Variants in TRIQK observed in about 807,000 individuals in gnomAD.
TRIQK encodes the protein triple QxxK/R motif-containing protein.
A neutral mutation model predicts 10.8 loss-of-function variants in TRIQK; 10 were observed. The observed-to-expected ratio is 0.92, with a 90% CI of 0.57 to 1.57. The LOEUF (loss-of-function observed/expected upper bound fraction) is 1.57. Among genes scored for constraint, TRIQK ranks in the 40% most tolerant of loss-of-function variants. The pLI, the probability that TRIQK is intolerant of heterozygous loss-of-function variation, is 0.00. For missense variants in TRIQK, 107 were observed against 97.7 expected, an observed-to-expected ratio of 1.09 and a Z score of -0.40; for synonymous variants, 33 against 33.7, an observed-to-expected ratio of 0.98 and a Z score of 0.07.
At chr8:92,912,139 T>C (rs147235916) in intron 3 of TRIQK, among the ~76,000 whole-genome samples, 54 of 151,740 alleles carry the variant, frequency 3.6e-4, no homozygotes, top group African/African-American at 1.1e-3. Context: ...TTCTCAAGTG[T>C]ACACTAACAT....
intron 3 of TRIQK, among the ~76,000 whole-genome samples, chr8:92,913,680 T>A (rs1809683294): frequency 6.6e-6 from 1 of 152,214 alleles, no homozygotes; most frequent in South Asian, 2.1e-4. Flanking sequence ...TTATGTTTAC[T>A]GAAGCACTAT....
intron 2 of TRIQK, among the ~76,000 whole-genome samples, chr8:92,924,822 G>A (rs1235685878): frequency 1.3e-5 from 2 of 151,896 alleles, no homozygotes. Context: ...ATTGAGACAA[G>A]TTATTACACT....
At chr8:92,950,420 A>AC (rs1471742082) in intron 2 of TRIQK, among the ~76,000 whole-genome samples, 10 of 152,314 alleles carry the variant, frequency 6.6e-5, no homozygotes, top group African/African-American at 2.4e-4. Flanking sequence ...AAAGCTGGCA[A>AC]CTTAATCTCT....
intron 1 of TRIQK, among the ~76,000 whole-genome samples, chr8:92,959,288 ATCAGGT>A (rs1416623304): frequency 1.3e-5 from 2 of 152,070 alleles, no homozygotes; most frequent in Admixed American, 1.3e-4. Context: ...CTCTTGGATT[ATCAGGT>A]TTCCTCTCTG....
intron 1 of TRIQK, chr8:92,964,800 G>T (rs577382660): frequency 6.6e-6 from 1 of 151,950 alleles, no homozygotes; most frequent in East Asian, 1.9e-4. Context: ...AGGAAGGAAG[G>T]GCATATCCTA....
chr8:93,015,935 C>T (rs1418832003), intron 1 of TRIQK, among the ~76,000 whole-genome samples: 4 of 139,628 alleles, frequency 2.9e-5, no homozygotes, highest in Admixed American at 6.9e-5. Flanking sequence ...AATAAAAACA[C>T]CTTTTTTTAA....
At chr8:92,938,965 G>T (rs1811137806) in intron 2 of TRIQK, among the ~76,000 whole-genome samples, 1 of 151,890 alleles carries the variant, frequency 6.6e-6, no homozygotes, top group Non-Finnish European at 1.5e-5. Context: ...ATCATTTATA[G>T]ATCTATTTCT....
At chr8:92,949,777 A>G (rs1811762815) in intron 2 of TRIQK, among the ~76,000 whole-genome samples, 1 of 101,732 alleles carries the variant, frequency 9.8e-6, no homozygotes, top group African/African-American at 4.4e-5. Flanking sequence ...AGAAGGAAAG[A>G]AAGAAAAAGA....
At chr8:92,939,132 A>G (rs970675451) in intron 2 of TRIQK, among the ~76,000 whole-genome samples, 2 of 152,138 alleles carry the variant, frequency 1.3e-5, no homozygotes, top group East Asian at 1.9e-4. Context: ...TTGAGAGGAG[A>G]AAGAGAGTTA....
At chr8:92,988,763 C>T (rs924371305) in intron 1 of TRIQK, among the ~76,000 whole-genome samples, 1 of 152,104 alleles carries the variant, frequency 6.6e-6, no homozygotes, top group Non-Finnish European at 1.5e-5. Flanking sequence ...TAACAATTAG[C>T]AAATTTTGTT....
At chr8:92,969,923 T>C (rs149568176), upstream of TRIQK, among the ~76,000 whole-genome samples, 138 of 152,274 alleles carry the variant, frequency 9.1e-4, no homozygotes, top group African/African-American at 3.2e-3. Context: ...CATTAGTTAT[T>C]TATCCTGATG....
At chr8:92,903,285 T>G (rs1047832200) in intron 3 of TRIQK, among the ~76,000 whole-genome samples, 1 of 152,146 alleles carries the variant, frequency 6.6e-6, no homozygotes, top group Non-Finnish European at 1.5e-5. Context: ...TGTGCTCATT[T>G]AAGAGCAGCT....
intron 3 of TRIQK, among the ~76,000 whole-genome samples, chr8:92,915,374 AG>A (rs1374727277): frequency 6.6e-6 from 1 of 152,188 alleles, no homozygotes; most frequent in Non-Finnish European, 1.5e-5. Context: ...CACACAGAAA[AG>A]GTACTATGTG....
At chr8:92,936,373 T>C (rs1226227169) in intron 2 of TRIQK, among the ~76,000 whole-genome samples, 1 of 151,616 alleles carries the variant, frequency 6.6e-6, no homozygotes, top group East Asian at 1.9e-4. Context: ...AGGAAAATAC[T>C]GACAGACCTC....
intron 1 of TRIQK, among the ~76,000 whole-genome samples, chr8:92,964,561 T>G (rs572710740): frequency 1.4e-5 from 2 of 147,552 alleles, no homozygotes; most frequent in South Asian, 4.2e-4. Flanking sequence ...GAATCAATAA[T>G]GAATAGATGA....
chr8:92,930,251 TTGG>T (rs1230395481), intron 2 of TRIQK, among the ~76,000 whole-genome samples: 8 of 150,398 alleles, frequency 5.3e-5, no homozygotes, highest in Non-Finnish European at 8.9e-5. Flanking sequence ...TTAACTGGTC[TTGG>T]TGGTGCATGC....
intron 2 of TRIQK, among the ~76,000 whole-genome samples, chr8:92,940,280 G>A (rs2130603457): frequency 6.7e-6 from 1 of 148,982 alleles, no homozygotes; most frequent in South Asian, 2.2e-4. Flanking sequence ...CACCTTAAAT[G>A]TAAATGGATT....
chr8:92,954,723 A>G (rs935740059), intron 1 of TRIQK, among the ~76,000 whole-genome samples, 159 bp from the exon 2 acceptor site: 2 of 151,954 alleles, frequency 1.3e-5, no homozygotes, highest in East Asian at 3.9e-4. Flanking sequence ...TATGCCAAAT[A>G]TAATTGGAAA....
chr8:92,919,975 T>C (rs1586425324), intron 2 of TRIQK, among the ~76,000 whole-genome samples: 1 of 151,942 alleles, frequency 6.6e-6, no homozygotes, highest in Non-Finnish European at 1.5e-5. Flanking sequence ...TGGTATCAGT[T>C]GTAATGTTTC....
Sources: allele counts gnomAD v4.1 joint callset (sites outside exome capture counted in the v4.1 genomes callset), GRCh38; gene constraint gnomAD v4.1.1; transcripts MANE v1.5; gene names NCBI Gene and HGNC (gene_info 2026-07-23, HGNC 2026-07-21).